The following ZDHHC20 variants were observed in gnomAD, a reference collection of about 807,000 sequenced individuals.
ZDHHC20 encodes palmitoyltransferase ZDHHC20.
A neutral mutation model predicts 57.8 loss-of-function variants in ZDHHC20; 43 were observed. The ratio of observed to expected loss-of-function variants is 0.74; its 90% CI spans 0.58 to 0.96. The LOEUF is 0.96. ZDHHC20 is among the 40% of genes least tolerant of loss of function. The probability of loss-of-function intolerance (pLI) is 0.00; values close to 1 mark genes in which losing one functional copy is unlikely to be tolerated. For missense variants in ZDHHC20, 391 were observed against 441.1 expected, an observed-to-expected ratio of 0.89 and a Z score of 1.02; for synonymous variants, 157 against 153.0, an observed-to-expected ratio of 1.03 and a Z score of -0.19.
At position 21,375,090 on chromosome 13, in the gene ZDHHC20, C is replaced by T. The variant is rs778674516; in HGVS notation, c.*1606G>A. 8 of 454,628 alleles carry T rather than the reference C, an allele frequency of 1.8e-5. No individual in the cohort carries two copies. In the East Asian group the frequency reaches 2.1e-4, roughly 12 times the overall value. 28.2% of individuals were successfully genotyped at this position (454,628 alleles called of 1,614,324 possible). On this transcript the variant is annotated 3_prime_UTR_variant, in exon 13 of 13. Coordinates refer to ENST00000400590, the MANE Select transcript of ZDHHC20 (RefSeq NM_001330059.2). Reference sequence around the variant, plus strand: ...CAGAGGTTGCAGCGAGCCAAGATCCCGCCACTGCACTCCTGCCTGGGAGAC... The same window carrying T: ...CAGAGGTTGCAGCGAGCCAAGATCCTGCCACTGCACTCCTGCCTGGGAGAC...
At chr13:21,455,981 G>T (rs1339936673) in intron 1 of ZDHHC20, among the ~76,000 whole-genome samples, 1 of 152,056 alleles carries the variant, frequency 6.6e-6, no homozygotes, top group Admixed American at 6.5e-5. Context: ...GCTACTTACT[G>T]GCTCTATAAC....
intron 4 of ZDHHC20, among the ~76,000 whole-genome samples, chr13:21,411,965 C>T (rs1294314661): frequency 6.6e-6 from 1 of 152,220 alleles, no homozygotes; most frequent in Non-Finnish European, 1.5e-5. Context: ...GTACAGCTAT[C>T]CTTTGGAAGC....
chr13:21,439,897 T>C (rs1297177823), intron 1 of ZDHHC20, among the ~76,000 whole-genome samples: 1 of 151,526 alleles, frequency 6.6e-6, no homozygotes, highest in Non-Finnish European at 1.5e-5. Context: ...TGAAACCCCA[T>C]CTCTACTAAA....
chr13:21,414,940 T>C (rs920514924), intron 3 of ZDHHC20, among the ~76,000 whole-genome samples: 5 of 152,152 alleles, frequency 3.3e-5, no homozygotes, highest in Admixed American at 6.5e-5. Flanking sequence ...TTGTGTTTTA[T>C]ATTTTAATAA....
intron 3 of ZDHHC20, among the ~76,000 whole-genome samples, chr13:21,416,262 C>T (rs1037526895): frequency 1.8e-4 from 26 of 143,704 alleles, no homozygotes; most frequent in East Asian, 1.6e-3. Flanking sequence ...TTAAACCAAA[C>T]GAAAATTTCA....
intron 1 of ZDHHC20, among the ~76,000 whole-genome samples, chr13:21,447,601 T>C (rs901203134): frequency 1.6e-4 from 23 of 145,186 alleles, no homozygotes; most frequent in African/African-American, 4.5e-4. Flanking sequence ...GTGCCCAGGC[T>C]GGAGTGCAGT....
At chr13:21,391,595 G>A (rs1280604597) in intron 8 of ZDHHC20, 127 bp downstream of exon 8, 9 of 1,036,236 alleles carry the variant, frequency 8.7e-6, no homozygotes, top group Admixed American at 3.3e-5. Flanking sequence ...TATTAGGCAC[G>A]TGCCACCAAT....
At chr13:21,400,599 G>A (rs1423918631) in intron 6 of ZDHHC20, 106 bp from the exon 7 acceptor site, 1 of 1,176,882 alleles carries the variant, frequency 8.5e-7, no homozygotes, top group Non-Finnish European at 1.2e-6. Flanking sequence ...TGTGGGGAAG[G>A]GGAGCTTTTT....
At chr13:21,422,262 GAAA>G (rs1156570400) in intron 2 of ZDHHC20, among the ~76,000 whole-genome samples, 1 of 138,188 alleles carries the variant, frequency 7.2e-6, no homozygotes, top group Admixed American at 7.3e-5. Flanking sequence ...GGTCTGCGCT[GAAA>G]AAAAAAAAAG....
At chr13:21,431,201 A>G (rs2137955668) in intron 1 of ZDHHC20, among the ~76,000 whole-genome samples, 1 of 152,324 alleles carries the variant, frequency 6.6e-6, no homozygotes, top group African/African-American at 2.4e-5. Flanking sequence ...ACAGTTCCAC[A>G]TGGCTGGGGA....
At chr13:21,450,697 A>C (rs1253137373) in intron 1 of ZDHHC20, among the ~76,000 whole-genome samples, 2 of 152,178 alleles carry the variant, frequency 1.3e-5, no homozygotes, top group East Asian at 3.8e-4. Flanking sequence ...GTTATCTAGA[A>C]AATTACTACA....
intron 4 of ZDHHC20, among the ~76,000 whole-genome samples, chr13:21,408,548 A>G (rs985467663): frequency 2.0e-5 from 3 of 152,320 alleles, no homozygotes; most frequent in African/African-American, 7.2e-5. Context: ...ATATACAATC[A>G]TGTCATCTGC....
chr13:21,425,270 C>A (rs910758690), intron 2 of ZDHHC20, among the ~76,000 whole-genome samples: 1 of 151,924 alleles, frequency 6.6e-6, no homozygotes, highest in Non-Finnish European at 1.5e-5. Flanking sequence ...AAACGAGAAC[C>A]ATCAATAAAA....
At chr13:21,449,691 C>T (rs1443818324) in intron 1 of ZDHHC20, among the ~76,000 whole-genome samples, 1 of 151,276 alleles carries the variant, frequency 6.6e-6, no homozygotes, top group Non-Finnish European at 1.5e-5. Context: ...GTGGCCCAGG[C>T]TGGAGAGCAG....
rs1224161149 is a variant in ZDHHC20, at chr13:21,375,198, T to C, written c.*1498A>G. 2.2e-6 allele frequency: 1 copy of C among 456,536 alleles called. No homozygotes were observed. The highest frequency in any genetic ancestry group is 2.0e-5 in the African/African-American group (1 of 50,168). The allele number at this position is 456,536 out of a possible 1,614,324, so 28.3% of individuals were successfully genotyped here. ...TTTTGCAAAATTAGGCATCACAGAATGTTAGAAGTCATCCAGTCCAACTTA... is the reference window on the plus strand; with the variant it reads ...TTTTGCAAAATTAGGCATCACAGAACGTTAGAAGTCATCCAGTCCAACTTA... On this transcript the variant is annotated 3_prime_UTR_variant, in exon 13 of 13. Transcript: ENST00000400590.
At chr13:21,383,723 AAT>A (rs948685871) in intron 9 of ZDHHC20, among the ~76,000 whole-genome samples, 4 of 152,146 alleles carry the variant, frequency 2.6e-5, no homozygotes, top group African/African-American at 9.7e-5. Context: ...TTTATTCAAC[AAT>A]ATTCATTAAA....
rs2138049382 is a variant in ZDHHC20, at chr13:21,448,727, C to T, written c.118+10327G>A. Among the ~76,000 whole-genome samples the T allele has an allele frequency of 2.0e-5, 2 of 98,452 alleles. 1 individual carries two copies. Among genetic ancestry groups the T allele is most frequent in the East Asian group, 4.4e-4 (2 of 4,582 alleles). The allele number at this position is 98,452 out of a possible 152,430, so 64.6% of individuals were successfully genotyped here. A position where few individuals can be genotyped will look rare whatever the true frequency, so the allele number is the denominator to read the frequency against. The stretch of plus-strand genomic sequence containing the variant: ...CCCGTCTGGGAGGTGTGCCCAACAG[C>T]TCATTGAGAACGGGCCAGGATGACA... On this transcript the variant is annotated intron_variant, in intron 1 of 12. Transcript: ENST00000400590.
intron 1 of ZDHHC20, among the ~76,000 whole-genome samples, chr13:21,441,319 T>C (rs1218886164): frequency 6.6e-6 from 1 of 152,072 alleles, no homozygotes; most frequent in Non-Finnish European, 1.5e-5. Context: ...CTTGTTTTTT[T>C]TTCTAAGGTA....
intron 9 of ZDHHC20, among the ~76,000 whole-genome samples, chr13:21,383,815 AG>A (rs1873932544): frequency 6.6e-6 from 1 of 152,174 alleles, no homozygotes; most frequent in Non-Finnish European, 1.5e-5. Context: ...ACAAAAGAGA[AG>A]AAAATTTCTG....
Sources: allele counts gnomAD v4.1 joint callset (sites outside exome capture counted in the v4.1 genomes callset), GRCh38; gene constraint gnomAD v4.1.1; transcripts MANE v1.5; gene names NCBI Gene and HGNC (gene_info 2026-07-23, HGNC 2026-07-21).